Variants in RYR3 observed in about 807,000 individuals in gnomAD.
RYR3 encodes the protein brain ryanodine receptor-calcium release channel.
A neutral mutation model predicts 584.3 loss-of-function variants in RYR3; 207 were observed. The ratio of observed to expected loss-of-function variants is 0.35; its 90% CI spans 0.32 to 0.40. RYR3 has a LOEUF of 0.40. Among genes scored for constraint, RYR3 ranks in the 10% least tolerant of loss-of-function variants. The pLI, the probability that RYR3 is intolerant of heterozygous loss-of-function variation, is 1.00. For synonymous variants in RYR3, 2,416 were observed against 2,248.5 expected, an observed-to-expected ratio of 1.07 and a Z score of -2.11; for missense variants, 5,616 against 6,089.2, an observed-to-expected ratio of 0.92 and a Z score of 2.59.
intron 43 of RYR3, chr15:33,722,447 C>A (rs968638581): frequency 4.2e-6 from 2 of 475,434 alleles, no homozygotes; most frequent in Non-Finnish European, 7.3e-6. Flanking sequence ...ATCAAAGCCA[C>A]CTTTTTCTCC....
At chr15:33,843,223 G>T (rs1685701689) in intron 91 of RYR3, among the ~76,000 whole-genome samples, 1 of 152,118 alleles carries the variant, frequency 6.6e-6, no homozygotes. Flanking sequence ...GGGAGGCTGA[G>T]ACAGGAGAAT....
chr15:33,391,625 C>CAAA, intron 1 of RYR3, among the ~76,000 whole-genome samples: 1 of 128,314 alleles, frequency 7.8e-6, no homozygotes. Context: ...GACTCTGTCT[C>CAAA]AAAAAAAAAA....
chr15:33,352,005 A>G (rs1345081273), intron 1 of RYR3, among the ~76,000 whole-genome samples: 3 of 152,180 alleles, frequency 2.0e-5, no homozygotes, highest in Non-Finnish European at 4.4e-5. Context: ...ATATCTAGAA[A>G]ACCCCATTGT....
At chr15:33,854,303 G>C in intron 96 of RYR3, 86 bp from the exon 97 acceptor site, 1 of 1,061,834 alleles carries the variant, frequency 9.4e-7, no homozygotes. Flanking sequence ...TTAAACCTGA[G>C]AGAAAAAACT....
chr15:33,806,535 C>A (rs991491706), intron 69 of RYR3, among the ~76,000 whole-genome samples: 6 of 151,662 alleles, frequency 4.0e-5, no homozygotes, highest in African/African-American at 1.2e-4. Flanking sequence ...AACGTTTCCA[C>A]CACCAAATTT....
At chr15:33,663,048 A>G (rs1300739185) in intron 35 of RYR3, 100 bp downstream of exon 35, 2 of 1,082,522 alleles carry the variant, frequency 1.8e-6, no homozygotes, top group Non-Finnish European at 2.7e-6. Context: ...AGGTATGTCA[A>G]GTGCTTGGCA....
intron 1 of RYR3, among the ~76,000 whole-genome samples, chr15:33,410,513 T>G (rs1479981809): frequency 6.6e-6 from 1 of 152,232 alleles, no homozygotes; most frequent in African/African-American, 2.4e-5. Context: ...CGTAATAGAT[T>G]TGAGAAGAGA....
At chr15:33,798,667 C>T (rs1167712120) in intron 67 of RYR3, among the ~76,000 whole-genome samples, 1 of 152,180 alleles carries the variant, frequency 6.6e-6, no homozygotes, top group Non-Finnish European at 1.5e-5. Context: ...TGATCTTTAG[C>T]AGGGCATAGT....
At chr15:33,727,335 C>T (rs1198481228) in intron 46 of RYR3, among the ~76,000 whole-genome samples, 1 of 152,198 alleles carries the variant, frequency 6.6e-6, no homozygotes, top group African/African-American at 2.4e-5. Context: ...ACATATGATT[C>T]CAACCGTTGT....
intron 1 of RYR3, among the ~76,000 whole-genome samples, chr15:33,423,790 C>A (rs772582621): frequency 1.7e-4 from 26 of 152,056 alleles, no homozygotes; most frequent in Non-Finnish European, 3.5e-4. Flanking sequence ...CATTTTTGTT[C>A]ATGAGGTTTC....
intron 3 of RYR3, among the ~76,000 whole-genome samples, chr15:33,504,497 C>T (rs1262251200): frequency 6.6e-6 from 1 of 152,200 alleles, no homozygotes; most frequent in African/African-American, 2.4e-5. Flanking sequence ...CTGTCCTCTA[C>T]CTTTTGGTTA....
rs113568347 is a variant in RYR3 at position 33,510,100 on chromosome 15, C to T, written c.279+6362C>T. ...ATTGCTCTCATGTGCAAAAGCTTGTCGAAACCTGCGCTTTAAAAGCTGCCC... is the reference window on the plus strand; with the variant it reads ...ATTGCTCTCATGTGCAAAAGCTTGTTGAAACCTGCGCTTTAAAAGCTGCCC... On this transcript the variant is annotated intron_variant, in intron 3 of 103. Transcript: ENST00000634891. 7.4e-3 allele frequency among the ~76,000 whole-genome samples: 1,132 copies of T among 152,276 alleles called. 21 individuals carry two copies. Among genetic ancestry groups the T allele is most frequent in the African/African-American group, 0.026 (1,078 of 41,552 alleles).
intron 16 of RYR3, among the ~76,000 whole-genome samples, chr15:33,592,124 G>A (rs576650118): frequency 2.0e-5 from 3 of 152,324 alleles, no homozygotes; most frequent in African/African-American, 7.2e-5. Context: ...ATTGATTAGG[G>A]AGGCCTAACT....
At chr15:33,544,810 A>T (rs1022406874) in intron 8 of RYR3, among the ~76,000 whole-genome samples, 1 of 152,156 alleles carries the variant, frequency 6.6e-6, no homozygotes, top group African/African-American at 2.4e-5. Flanking sequence ...GCACAGACCT[A>T]TGTAAAGTGC....
At chr15:33,632,436 G>T (rs984784639) in intron 23 of RYR3, among the ~76,000 whole-genome samples, 13 of 152,216 alleles carry the variant, frequency 8.5e-5, no homozygotes, top group African/African-American at 3.1e-4. Flanking sequence ...TAACTGCTAA[G>T]ATCACTTTAA....
chr15:33,860,792 G>C, intron 101 of RYR3, 133 bp downstream of exon 101: 1 of 750,646 alleles, frequency 1.3e-6, no homozygotes. Context: ...TCCATGCCCT[G>C]TTCTCTGCAC....
intron 20 of RYR3, among the ~76,000 whole-genome samples, chr15:33,625,829 ATC>A (rs2060955191): frequency 6.6e-6 from 1 of 152,336 alleles, no homozygotes; most frequent in East Asian, 1.9e-4. Context: ...GTAGAAGTCA[ATC>A]TCCCCTGGGA....
chr15:33,503,592 A>G, intron 2 of RYR3, 39 bp from the exon 3 acceptor site: 1 of 1,186,164 alleles, frequency 8.4e-7, no homozygotes, highest in Non-Finnish European at 1.2e-6. Context: ...TCTCTGACTG[A>G]TATGAGTAGG....
chr15:33,505,447 C>T (rs1596402378), intron 3 of RYR3, among the ~76,000 whole-genome samples: 4 of 152,190 alleles, frequency 2.6e-5, no homozygotes, highest in South Asian at 2.1e-4. Flanking sequence ...GCATTGACCT[C>T]AGCATCTTAT....
Sources: gnomAD v4.1 joint callset for allele counts (sites outside exome capture counted in the v4.1 genomes callset) on GRCh38, gnomAD v4.1.1 for gene constraint, MANE v1.5 for transcripts, NCBI Gene and HGNC (gene_info 2026-07-23, HGNC 2026-07-21) for gene names.